PDS5B: variants seen among roughly 807,000 people sequenced by gnomAD.
PDS5B encodes sister chromatid cohesion protein PDS5 homolog B.
PDS5B carries 51 observed loss-of-function variants against 184.1 expected under a neutral mutation model. The ratio of observed to expected loss-of-function variants is 0.28; its 90% CI spans 0.22 to 0.35. The LOEUF is 0.35. Ranked by LOEUF, PDS5B falls within the 10% of genes least tolerant of loss-of-function variation. PDS5B has a pLI of 1.00. For synonymous variants in PDS5B, 566 were observed against 569.2 expected (o/e 0.99, Z 0.08); for missense variants, 1,180 against 1,723.3 (o/e 0.68, Z 5.58).
chr13:32,648,014 G>A (rs1418839801), intron 1 of PDS5B, among the ~76,000 whole-genome samples: 2 of 152,168 alleles, frequency 1.3e-5, no homozygotes, highest in South Asian at 2.1e-4. Context: ...GATTCTCTGG[G>A]CCACTTAGGT....
At chr13:32,655,374 A>ATATATATATATATATTTTTTTTT in intron 3 of PDS5B, among the ~76,000 whole-genome samples, 1 of 72,466 alleles carries the variant, frequency 1.4e-5, no homozygotes, top group African/African-American at 8.3e-5. Context: ...ATATATATAT[A>ATATATATATATATATTTTTTTTT]TTTTTTTTTT....
At chr13:32,717,566 G>A (rs1952500999) in intron 19 of PDS5B, among the ~76,000 whole-genome samples, 1 of 135,774 alleles carries the variant, frequency 7.4e-6, no homozygotes, top group Non-Finnish European at 1.6e-5. Context: ...AAGGCCGCAG[G>A]GTCCTCTGCC....
At chr13:32,620,713 T>C in intron 1 of PDS5B, among the ~76,000 whole-genome samples, 1 of 152,154 alleles carries the variant, frequency 6.6e-6, no homozygotes, top group East Asian at 1.9e-4. Flanking sequence ...TTTCTAGCTT[T>C]AGAGGAAATG....
intron 25 of PDS5B, among the ~76,000 whole-genome samples, chr13:32,755,384 A>G (rs560983145): frequency 1.1e-4 from 17 of 152,200 alleles, no homozygotes; most frequent in Non-Finnish European, 2.4e-4. Flanking sequence ...ATTAGTATCA[A>G]CCTCTTGTTG....
At chr13:32,749,861 A>C (rs879711137) in intron 24 of PDS5B, among the ~76,000 whole-genome samples, 8 of 152,116 alleles carry the variant, frequency 5.3e-5, no homozygotes, top group Non-Finnish European at 8.8e-5. Context: ...AGTATTAGAC[A>C]CCATCTGTTT....
Position 32,709,948 on chromosome 13 carries a change from A to C in PDS5B, c.1965A>C (p.Val655=), listed in dbSNP as rs1019249013. ...CATTTTTATGATTCATTTTATAGGT[A>C]CTCTCATTTACACATCCCATCTCAT... ...AIRAGLELLK[V]LSFTHPISFH... The change falls in exon 19 of 35, where the codon GTA becomes GTC. Residue 655 remains valine, a splice_region_variant and synonymous_variant. Transcript: ENST00000315596. 2 of 1,377,286 alleles carry C rather than the reference A, an allele frequency of 1.5e-6. No individual in the cohort carries two copies. Among genetic ancestry groups the C allele is most frequent in the Non-Finnish European group, 9.6e-7 (1 of 1,044,668 alleles). The allele number at this position is 1,377,286 out of a possible 1,614,324, so 85.3% of individuals were successfully genotyped here. A position where few individuals can be genotyped will look rare whatever the true frequency, so the allele number is the denominator to read the frequency against.
At chr13:32,616,356 C>T (rs1454448049) in intron 1 of PDS5B, among the ~76,000 whole-genome samples, 2 of 151,810 alleles carry the variant, frequency 1.3e-5, no homozygotes, top group Non-Finnish European at 2.9e-5. Context: ...CGCCTGGCCC[C>T]TCCCGTCTCT....
At chr13:32,747,198 A>G (rs750914689) in intron 24 of PDS5B, among the ~76,000 whole-genome samples, 39 of 152,234 alleles carry the variant, frequency 2.6e-4, no homozygotes, top group Non-Finnish European at 3.8e-4. Flanking sequence ...GGACTTTCAC[A>G]TTAGTAAATA....
At chr13:32,598,770 C>CTTTTTTT (rs756301581) in intron 1 of PDS5B, among the ~76,000 whole-genome samples, 13 of 126,362 alleles carry the variant, frequency 1.0e-4, no homozygotes, top group African/African-American at 3.2e-4. Context: ...TTTTTTCTCT[C>CTTTTTTT]TTTTTTTTTT....
At chr13:32,608,818 C>G (rs901341686) in intron 1 of PDS5B, among the ~76,000 whole-genome samples, 7 of 152,172 alleles carry the variant, frequency 4.6e-5, no homozygotes, top group South Asian at 2.1e-4. Flanking sequence ...GCTGTGAGCC[C>G]AGTTGCTACC....
intron 21 of PDS5B, among the ~76,000 whole-genome samples, chr13:32,739,163 TTAC>T (rs1953449514): frequency 6.6e-6 from 1 of 152,118 alleles, no homozygotes; most frequent in African/African-American, 2.4e-5. Context: ...TGGAATTGAT[TTAC>T]TTTTTTTTTT....
intron 1 of PDS5B, among the ~76,000 whole-genome samples, chr13:32,642,168 C>T (rs147474816): frequency 4.6e-5 from 7 of 152,284 alleles, no homozygotes; most frequent in African/African-American, 1.7e-4. Context: ...CAGTAGTTTT[C>T]TAACTTGTTT....
chr13:32,672,015 G>A (rs1036924594), intron 7 of PDS5B, among the ~76,000 whole-genome samples: 1 of 152,164 alleles, frequency 6.6e-6, no homozygotes, highest in African/African-American at 2.4e-5. Context: ...AATGATCTGA[G>A]TGTGGAAACT....
At chr13:32,748,533 GTCT>G (rs1466466402) in intron 24 of PDS5B, among the ~76,000 whole-genome samples, 1 of 148,998 alleles carries the variant, frequency 6.7e-6, no homozygotes, top group African/African-American at 2.5e-5. Context: ...CACTTACACA[GTCT>G]TCTTTGGCCA....
At chr13:32,622,804 G>A (rs748696897) in intron 1 of PDS5B, among the ~76,000 whole-genome samples, 3 of 152,094 alleles carry the variant, frequency 2.0e-5, no homozygotes, top group Admixed American at 6.6e-5. Flanking sequence ...TTAAAAATTT[G>A]TTTGGTCTGA....
At chr13:32,760,279 C>CA (rs1353412566) in intron 29 of PDS5B, among the ~76,000 whole-genome samples, 1 of 152,168 alleles carries the variant, frequency 6.6e-6, no homozygotes, top group African/African-American at 2.4e-5. Flanking sequence ...TTATGTCTTT[C>CA]CATGGCAAGA....
intron 10 of PDS5B, among the ~76,000 whole-genome samples, chr13:32,683,021 CT>C (rs111784847): frequency 2.4e-4 from 35 of 146,614 alleles, no homozygotes; most frequent in South Asian, 6.5e-4. Flanking sequence ...AAAAAACTTT[CT>C]TTTTTTTTTT....
At chr13:32,638,979 G>C (rs947593453) in intron 1 of PDS5B, among the ~76,000 whole-genome samples, 1 of 152,042 alleles carries the variant, frequency 6.6e-6, no homozygotes, top group Non-Finnish European at 1.5e-5. Context: ...CGGGGGCGGC[G>C]TTGTACAAGA....
intron 10 of PDS5B, among the ~76,000 whole-genome samples, chr13:32,682,711 T>C (rs983512913): frequency 6.6e-6 from 1 of 152,234 alleles, no homozygotes; most frequent in Non-Finnish European, 1.5e-5. Context: ...ATATTAGTTA[T>C]ACTGTTTTAC....
Sources: gnomAD v4.1 joint callset for allele counts (sites outside exome capture counted in the v4.1 genomes callset) on GRCh38, gnomAD v4.1.1 for gene constraint, MANE v1.5 for transcripts, NCBI Gene and HGNC (gene_info 2026-07-23, HGNC 2026-07-21) for gene names.